Variants in NREP observed in about 807,000 individuals in gnomAD.
The protein encoded by NREP is neuronal regeneration-related protein.
Under a neutral mutation model 8.6 loss-of-function variants are expected in NREP, and 5 were observed. The ratio of observed to expected loss-of-function variants is 0.58; its 90% CI spans 0.30 to 1.22. NREP has a LOEUF of 1.22. NREP is among the 50% of genes most tolerant of loss of function. The pLI is 0.07. For synonymous variants in NREP, 27 were observed against 28.0 expected (o/e 0.96, Z 0.11); for missense variants, 86 against 82.5 (o/e 1.04, Z -0.17).
intron 2 of NREP, among the ~76,000 whole-genome samples, chr5:111,736,993 C>T (rs770968679): frequency 3.3e-4 from 50 of 152,112 alleles, no homozygotes; most frequent in Non-Finnish European, 6.9e-4. Flanking sequence ...AGTCCACAGC[C>T]GCCACCCACG....
At chr5:111,911,564 A>G (rs1424375282) in intron 2 of NREP, among the ~76,000 whole-genome samples, 1 of 152,058 alleles carries the variant, frequency 6.6e-6, no homozygotes, top group Admixed American at 6.6e-5. Context: ...GAGATATGTT[A>G]TATGCTTGGA....
intron 2 of NREP, among the ~76,000 whole-genome samples, chr5:111,781,230 A>C (rs951023434): frequency 1.3e-5 from 2 of 152,118 alleles, no homozygotes; most frequent in African/African-American, 2.4e-5. Flanking sequence ...ATGGGGTATA[A>C]GTGAGGCTGC....
At chr5:111,770,770 G>A (rs1193103090) in intron 2 of NREP, among the ~76,000 whole-genome samples, 5 of 151,598 alleles carry the variant, frequency 3.3e-5, no homozygotes, top group Non-Finnish European at 5.9e-5. Context: ...GGGTCTCACC[G>A]TGTTGCCCAG....
In NREP at chr5:111,731,012, T is replaced by C. The variant is rs1748500260; in HGVS notation, c.116A>G (p.Lys39Arg). 6.2e-7 allele frequency: 1 copy of C among 1,613,958 alleles called. No homozygotes were observed. The highest frequency in any genetic ancestry group is 8.5e-7 in the Non-Finnish European group (1 of 1,179,844). Reference protein sequence around the residue: ...RLPVPKEVNRKKNDETNAASL... With the variant: ...RLPVPKEVNRRKNDETNAASL... ...GGCAGCGTTTGTCTCATCGTTCTTC[T>C]TGCGGTTCACTTCCTTTGGGACAGG... The change falls in exon 4 of 4, where the codon AAG (lysine) becomes AGG (arginine). Residue 39 changes from lysine (K) to arginine (R), a missense_variant. Coordinates refer to ENST00000257435, the MANE Select transcript of NREP (RefSeq NM_004772.4).
chr5:111,798,769 GTGTGTGTATGTGTGTGTGTA>G (rs1281076446), intron 2 of NREP, among the ~76,000 whole-genome samples: 1 of 19,306 alleles, frequency 5.2e-5, no homozygotes, highest in African/African-American at 1.8e-4. Flanking sequence ...GTGTGTGTGT[GTGTGTGTATGTGTGTGTGTA>G]TACATATATA....
intron 2 of NREP, among the ~76,000 whole-genome samples, chr5:111,836,061 C>G (rs563722348): frequency 9.2e-5 from 14 of 152,194 alleles, no homozygotes; most frequent in African/African-American, 3.4e-4. Context: ...ATGCTTAACT[C>G]AGTCCTTCCT....
At chr5:111,976,643 T>C in intron 1 of NREP, 1 of 1,328,922 alleles carries the variant, frequency 7.5e-7, no homozygotes. Context: ...ACAAACATCC[T>C]ATAATTGTTT....
At chr5:111,894,417 A>C (rs1336329200) in intron 2 of NREP, among the ~76,000 whole-genome samples, 1 of 151,200 alleles carries the variant, frequency 6.6e-6, no homozygotes, top group Non-Finnish European at 1.5e-5. Flanking sequence ...AATGCATTCT[A>C]ATCAGGTTTC....
chr5:111,876,025 C>G (rs571102797), intron 2 of NREP, among the ~76,000 whole-genome samples: 1 of 152,294 alleles, frequency 6.6e-6, no homozygotes, highest in South Asian at 2.1e-4. Context: ...TGCCATTTGC[C>G]TAGGGTGCAA....
At chr5:111,876,646 T>A (rs762560580) in intron 2 of NREP, among the ~76,000 whole-genome samples, 6 of 152,240 alleles carry the variant, frequency 3.9e-5, no homozygotes, top group Non-Finnish European at 2.9e-5. Flanking sequence ...CATCATTCTC[T>A]TATTTAAAAG....
chr5:111,971,856 T>A (rs1013290899), intron 2 of NREP, among the ~76,000 whole-genome samples: 1 of 151,372 alleles, frequency 6.6e-6, no homozygotes, highest in Non-Finnish European at 1.5e-5. Flanking sequence ...AATGTGACCC[T>A]GAAAGCGTGG....
At chr5:111,821,421 C>T (rs1346513948) in intron 2 of NREP, among the ~76,000 whole-genome samples, 1 of 151,094 alleles carries the variant, frequency 6.6e-6, no homozygotes, top group African/African-American at 2.4e-5. Flanking sequence ...AGCATGTGTA[C>T]ATGAAAAACA....
At chr5:111,762,742 T>A (rs1750989717) in intron 2 of NREP, among the ~76,000 whole-genome samples, 1 of 152,126 alleles carries the variant, frequency 6.6e-6, no homozygotes, top group South Asian at 2.1e-4. Flanking sequence ...TGTAAAGAAA[T>A]GAATGCCTGT....
At chr5:111,751,637 C>A (rs1391907986) in intron 2 of NREP, among the ~76,000 whole-genome samples, 1 of 152,122 alleles carries the variant, frequency 6.6e-6, no homozygotes, top group Non-Finnish European at 1.5e-5. Flanking sequence ...ACATTCAGTA[C>A]ATTTTCCTCT....
At chr5:111,902,652 C>T (rs1042065704) in intron 2 of NREP, among the ~76,000 whole-genome samples, 1 of 152,064 alleles carries the variant, frequency 6.6e-6, no homozygotes, top group South Asian at 2.1e-4. Context: ...GAGCAGTGAA[C>T]GATGATAACA....
At chr5:111,767,790 T>C (rs1751120830) in intron 2 of NREP, among the ~76,000 whole-genome samples, 3 of 152,078 alleles carry the variant, frequency 2.0e-5, no homozygotes, top group African/African-American at 7.2e-5. Context: ...CTCAGCCTCC[T>C]GAGTAGATGG....
At chr5:111,956,930 C>T (rs1357103647) in intron 2 of NREP, among the ~76,000 whole-genome samples, 1 of 151,184 alleles carries the variant, frequency 6.6e-6, no homozygotes, top group Non-Finnish European at 1.5e-5. Flanking sequence ...CACCACTGCA[C>T]TCCAGCCTGG....
At chr5:111,917,999 CT>C (rs1755113494) in intron 2 of NREP, among the ~76,000 whole-genome samples, 1 of 152,168 alleles carries the variant, frequency 6.6e-6, no homozygotes. Context: ...TCATAAACAA[CT>C]TAGGCAAAGT....
At chr5:111,887,710 C>T (rs1754295868) in intron 2 of NREP, among the ~76,000 whole-genome samples, 1 of 152,178 alleles carries the variant, frequency 6.6e-6, no homozygotes, top group South Asian at 2.1e-4. Flanking sequence ...ATGAAGATAT[C>T]CCTTTACCCA....
Sources: allele counts gnomAD v4.1 joint callset (sites outside exome capture counted in the v4.1 genomes callset), GRCh38; gene constraint gnomAD v4.1.1; transcripts MANE v1.5; gene names NCBI Gene and HGNC (gene_info 2026-07-23, HGNC 2026-07-21).